The following SPATA12 variants were observed in gnomAD, a reference collection of about 807,000 sequenced individuals.
The protein encoded by SPATA12 is spermatogenesis associated 12, also known as spermatogenesis-associated protein 12.
For synonymous variants in SPATA12, 85 were observed against 89.2 expected, an observed-to-expected ratio of 0.95 and a Z score of 0.26; for missense variants, 219 against 226.4, an observed-to-expected ratio of 0.97 and a Z score of 0.21.
chr3:57,067,816 A>AC (rs1401544376), intron 1 of SPATA12, among the ~76,000 whole-genome samples: 3 of 71,674 alleles, frequency 4.2e-5, no homozygotes, highest in African/African-American at 2.0e-4. Flanking sequence ...CGTCTCTACT[A>AC]AAAAAAAAAA....
intron 1 of SPATA12, among the ~76,000 whole-genome samples, chr3:57,067,593 G>A (rs1705622299): frequency 2.0e-5 from 3 of 151,148 alleles, no homozygotes; most frequent in Non-Finnish European, 4.4e-5. Flanking sequence ...CCAGCACACT[G>A]GGAGGCTGAG....
chr3:57,063,143 G>A lies in SPATA12; in HGVS notation c.-330+2357G>A, dbSNP rs186809957. Among the ~76,000 whole-genome samples, 68 of 152,284 alleles carry A rather than the reference G, an allele frequency of 4.5e-4. 1 individual carries two copies. The South Asian group carries it at 4.6e-3, about 10-fold the overall frequency. ...TTGGGAGAGGTGCATTTTGGGCAGC[G>A]GGAATAGCAGGTGCAAAGGCCCTGA... On this transcript the variant is annotated intron_variant, in intron 1 of 1. Transcript: ENST00000334325.
chr3:57,060,958 C>G (rs1181327560), intron 1 of SPATA12, among the ~76,000 whole-genome samples, 172 bp downstream of exon 1: 1 of 150,426 alleles, frequency 6.6e-6, no homozygotes, highest in Non-Finnish European at 1.5e-5. Context: ...CTCTTATACT[C>G]TTTTTTATTG....
intron 1 of SPATA12, among the ~76,000 whole-genome samples, chr3:57,071,260 T>C (rs1705885072): frequency 6.6e-6 from 1 of 152,186 alleles, no homozygotes; most frequent in South Asian, 2.1e-4. Flanking sequence ...GATTTCCATA[T>C]GCAAAAAATG....
chr3:57,067,454 A>AAATAATAAT (rs10528636), intron 1 of SPATA12, among the ~76,000 whole-genome samples: 24,336 of 140,230 alleles, frequency 0.17, 2,377 homozygotes, highest in East Asian at 0.42. Flanking sequence ...CTCTGTCTCA[A>AAATAATAAT]AATAATAATA....
chr3:57,070,696 C>T (rs1294207190), intron 1 of SPATA12, among the ~76,000 whole-genome samples: 2 of 152,112 alleles, frequency 1.3e-5, no homozygotes, highest in African/African-American at 2.4e-5. Context: ...CAGTGGCTAA[C>T]ACCTATAATC....
At chr3:57,064,065 G>A (rs894775101) in intron 1 of SPATA12, among the ~76,000 whole-genome samples, 9 of 152,128 alleles carry the variant, frequency 5.9e-5, no homozygotes, top group Non-Finnish European at 8.8e-5. Flanking sequence ...TCAGGGGCTC[G>A]AGACCAGCCT....
At position 57,073,999 on chromosome 3, in the gene SPATA12, T is replaced by C. The variant is rs758424427; in HGVS notation, c.305T>C (p.Leu102Pro). ...ATCGCTGTATCCCAAATAAATCTTCTGGGAAGACCCTCTTCACCTCCAGCT... is the reference window on the plus strand; with the variant it reads ...ATCGCTGTATCCCAAATAAATCTTCCGGGAAGACCCTCTTCACCTCCAGCT... Reference protein sequence around the residue: ...LDIAVSQINLLGRPSSPPALL... With the variant: ...LDIAVSQINLPGRPSSPPALL... The change falls in exon 2 of 2, where the codon CTG becomes CCG. Residue 102 changes from leucine to proline, a missense_variant. Leu to Pro is a moderately conservative substitution (Grantham distance 98). Coordinates refer to ENST00000334325, the MANE Select transcript of SPATA12 (RefSeq NM_181727.2). The C allele has an allele frequency of 3.0e-5, 49 of 1,614,104 alleles. No homozygotes were observed. The highest frequency in any genetic ancestry group is 3.9e-5 in the Non-Finnish European group (46 of 1,180,044).
Position 57,074,288 on chromosome 3 carries a change from T to A in SPATA12, c.*21T>A, listed in dbSNP as rs1706102860. ...TGTAATCAATAATAATCCTGCAACA[T>A]CTGAGAGTCTGGCAGCTGTTTGTCT... On this transcript the variant is annotated 3_prime_UTR_variant, in exon 2 of 2. Coordinates refer to ENST00000334325, the MANE Select transcript of SPATA12 (RefSeq NM_181727.2). The A allele has an allele frequency of 1.4e-5, 23 of 1,587,516 alleles. No individual in the cohort carries two copies. The highest frequency in any genetic ancestry group is 2.0e-5 in the Non-Finnish European group (23 of 1,161,382).
intron 1 of SPATA12, among the ~76,000 whole-genome samples, chr3:57,062,702 GCA>G (rs148193521): frequency 1.5e-4 from 23 of 150,166 alleles, no homozygotes; most frequent in South Asian, 4.2e-4. Flanking sequence ...CTACACACAT[GCA>G]CACACACACA....
intron 1 of SPATA12, among the ~76,000 whole-genome samples, chr3:57,070,650 C>A (rs1705833899): frequency 6.6e-6 from 1 of 151,952 alleles, no homozygotes; most frequent in African/African-American, 2.4e-5. Context: ...TCCAGAACAG[C>A]CAAAATAATC....
intron 1 of SPATA12, among the ~76,000 whole-genome samples, chr3:57,071,515 C>A (rs1705902162): frequency 6.6e-6 from 1 of 152,012 alleles, no homozygotes; most frequent in African/African-American, 2.4e-5. Flanking sequence ...CAAAAATCAG[C>A]TGGGTGTGAT....
At chr3:57,070,153 C>T (rs1705805087) in intron 1 of SPATA12, among the ~76,000 whole-genome samples, 1 of 152,126 alleles carries the variant, frequency 6.6e-6, no homozygotes, top group Admixed American at 6.5e-5. Context: ...CTGGTGCCTC[C>T]AGGGCTGTGG....
chr3:57,067,983 C>T (rs912866807), intron 1 of SPATA12, among the ~76,000 whole-genome samples: 1 of 151,034 alleles, frequency 6.6e-6, no homozygotes, highest in Admixed American at 6.6e-5. Flanking sequence ...GAGCAAGACT[C>T]CGTCTCAAAA....
intron 1 of SPATA12, among the ~76,000 whole-genome samples, chr3:57,062,702 GCACACA>G (rs148193521): frequency 2.7e-5 from 4 of 150,192 alleles, no homozygotes; most frequent in Non-Finnish European, 5.9e-5. Context: ...CTACACACAT[GCACACA>G]CACACACACA....
intron 1 of SPATA12, among the ~76,000 whole-genome samples, chr3:57,068,991 G>A (rs1705725338): frequency 6.8e-6 from 1 of 147,228 alleles, no homozygotes; most frequent in African/African-American, 2.5e-5. Context: ...ACGTGATCTT[G>A]GCTCACCGTA....
intron 1 of SPATA12, among the ~76,000 whole-genome samples, chr3:57,071,113 A>T (rs1705876421): frequency 6.6e-6 from 1 of 152,202 alleles, no homozygotes; most frequent in Admixed American, 6.5e-5. Context: ...ATAAGGATAG[A>T]CATATAGATG....
At chr3:57,069,939 C>T (rs1330285403) in intron 1 of SPATA12, among the ~76,000 whole-genome samples, 1 of 152,256 alleles carries the variant, frequency 6.6e-6, no homozygotes, top group East Asian at 1.9e-4. Context: ...GCCACTGCGC[C>T]TGGCCTAAAC....
intron 1 of SPATA12, among the ~76,000 whole-genome samples, chr3:57,072,048 G>A (rs1469504933): frequency 6.6e-6 from 1 of 152,176 alleles, no homozygotes; most frequent in Non-Finnish European, 1.5e-5. Context: ...TCTGGGAAAT[G>A]CAAATCAAAG....
Sources: gnomAD v4.1 joint callset for allele counts (sites outside exome capture counted in the v4.1 genomes callset) on GRCh38, gnomAD v4.1.1 for gene constraint, MANE v1.5 for transcripts, NCBI Gene and HGNC (gene_info 2026-07-23, HGNC 2026-07-21) for gene names.